MSRA: variants seen among roughly 807,000 people sequenced by gnomAD.
The protein encoded by MSRA is methionine sulfoxide reductase A, also known as mitochondrial peptide methionine sulfoxide reductase.
Under a neutral mutation model 31.3 loss-of-function variants are expected in MSRA, and 54 were observed. The observed-to-expected ratio is 1.73, with a 90% CI of 1.39 to 2.17. MSRA has a LOEUF of 2.17. Ranked by LOEUF, MSRA falls within the 30% of genes most tolerant of loss-of-function variation. MSRA has a pLI of 0.00. For missense variants in MSRA, 507 were observed against 300.9 expected, an observed-to-expected ratio of 1.69 and a Z score of -5.07; for synonymous variants, 169 against 116.5, an observed-to-expected ratio of 1.45 and a Z score of -2.90.
chr8:10,394,055 G>A (rs1291216940), intron 5 of MSRA, among the ~76,000 whole-genome samples: 1 of 152,174 alleles, frequency 6.6e-6, no homozygotes, highest in Non-Finnish European at 1.5e-5. Flanking sequence ...TTAACTTTGG[G>A]TCTCTAGAGA....
intron 1 of MSRA, among the ~76,000 whole-genome samples, chr8:10,093,609 G>T (rs903365313): frequency 3.9e-5 from 6 of 152,012 alleles, no homozygotes; most frequent in African/African-American, 1.4e-4. Flanking sequence ...AAATATTTTA[G>T]AAATGCTTAA....
At chr8:10,217,028 C>G (rs28439500) in intron 2 of MSRA, among the ~76,000 whole-genome samples, 1 of 152,198 alleles carries the variant, frequency 6.6e-6, no homozygotes, top group Non-Finnish European at 1.5e-5. Context: ...CAGCGAACCA[C>G]AAGGGTTCCA....
chr8:10,064,596 A>G (rs1437095251), intron 1 of MSRA, among the ~76,000 whole-genome samples: 2 of 152,242 alleles, frequency 1.3e-5, no homozygotes, highest in African/African-American at 2.4e-5. Flanking sequence ...ATTTAGGAAC[A>G]TCGGATGTCT....
intron 1 of MSRA, among the ~76,000 whole-genome samples, chr8:10,106,679 G>A (rs943881594): frequency 1.3e-5 from 2 of 152,150 alleles, no homozygotes; most frequent in African/African-American, 4.8e-5. Flanking sequence ...CAGATTTGTT[G>A]TGCTTCTTGT....
chr8:10,108,923 A>T (rs1800087474), intron 1 of MSRA, among the ~76,000 whole-genome samples: 2 of 152,166 alleles, frequency 1.3e-5, no homozygotes, highest in African/African-American at 4.8e-5. Flanking sequence ...CCAAGCTCTT[A>T]GCAGATGAAA....
chr8:10,290,631 G>C (rs1356225193), intron 3 of MSRA, among the ~76,000 whole-genome samples: 1 of 152,116 alleles, frequency 6.6e-6, no homozygotes, highest in African/African-American at 2.4e-5. Context: ...GGAGGCGTGA[G>C]AGTATGTTTC....
At position 10,356,826 on chromosome 8, in the gene MSRA, G is replaced by A. The variant is rs956629944; in HGVS notation, c.543+36837G>A. 1.3e-4 allele frequency among the ~76,000 whole-genome samples: 19 copies of A among 149,618 alleles called. No individual in the cohort carries two copies. The East Asian group carries it at 2.4e-3, about 19-fold the overall frequency. Reference sequence around the variant, plus strand: ...CACCCAGTCCATGGTATGTTGTTACGGCAGCCCGAACAGATCAACACAGCG... The same window carrying A: ...CACCCAGTCCATGGTATGTTGTTACAGCAGCCCGAACAGATCAACACAGCG... On this transcript the variant is annotated intron_variant, in intron 5 of 5. Transcript: ENST00000317173.
chr8:10,277,652 C>G (rs576203049), intron 3 of MSRA, among the ~76,000 whole-genome samples: 156 of 152,272 alleles, frequency 1.0e-3, no homozygotes, highest in African/African-American at 3.6e-3. Flanking sequence ...CAAAGAGCCT[C>G]AAATAACCCA....
chr8:10,145,614 G>C (rs897772116), intron 1 of MSRA, among the ~76,000 whole-genome samples: 2 of 152,214 alleles, frequency 1.3e-5, no homozygotes, highest in Admixed American at 1.3e-4. Flanking sequence ...TTCTGATGAT[G>C]TGACCCTGTG....
At chr8:10,195,610 A>C (rs1236041661) in intron 1 of MSRA, among the ~76,000 whole-genome samples, 1 of 152,212 alleles carries the variant, frequency 6.6e-6, no homozygotes, top group African/African-American at 2.4e-5. Context: ...CCTCAGCAAG[A>C]GACAATAATT....
intron 1 of MSRA, among the ~76,000 whole-genome samples, chr8:10,135,488 C>G (rs1802208148): frequency 6.6e-6 from 1 of 152,106 alleles, no homozygotes; most frequent in African/African-American, 2.4e-5. Context: ...ATATTAATGA[C>G]TTCAATTCAT....
intron 5 of MSRA, among the ~76,000 whole-genome samples, chr8:10,334,808 G>T (rs1033829693): frequency 2.0e-5 from 3 of 152,222 alleles, no homozygotes; most frequent in African/African-American, 7.2e-5. Flanking sequence ...ACTTCAAAAT[G>T]TGCCTTACTC....
chr8:10,282,404 C>T (rs892753376), intron 3 of MSRA, among the ~76,000 whole-genome samples: 1 of 152,200 alleles, frequency 6.6e-6, no homozygotes, highest in Non-Finnish European at 1.5e-5. Context: ...TAATGGATAT[C>T]TGCCAAGATG....
At chr8:10,274,378 G>T (rs971089366) in intron 3 of MSRA, among the ~76,000 whole-genome samples, 1 of 152,182 alleles carries the variant, frequency 6.6e-6, no homozygotes, top group Non-Finnish European at 1.5e-5. Context: ...TTATGGGAAA[G>T]CAGATGTTGG....
intron 1 of MSRA, among the ~76,000 whole-genome samples, chr8:10,156,275 T>C (rs1195877477): frequency 9.2e-5 from 14 of 152,194 alleles, no homozygotes; most frequent in Non-Finnish European, 1.5e-5. Context: ...GTGTGGACTG[T>C]ATGTTGGATG....
At chr8:10,231,076 G>A (rs536188439) in intron 2 of MSRA, among the ~76,000 whole-genome samples, 61 of 152,262 alleles carry the variant, frequency 4.0e-4, no homozygotes, top group African/African-American at 1.3e-3. Context: ...ATCAGCCACC[G>A]CACCCAGCCT....
chr8:10,065,605 C>G (rs1390191268), intron 1 of MSRA, among the ~76,000 whole-genome samples: 3 of 152,138 alleles, frequency 2.0e-5, no homozygotes, highest in Non-Finnish European at 4.4e-5. Context: ...AAGGATTTCT[C>G]TTAACGTAAC....
At chr8:10,170,222 C>T (rs1244806755) in intron 1 of MSRA, among the ~76,000 whole-genome samples, 2 of 151,892 alleles carry the variant, frequency 1.3e-5, no homozygotes, top group African/African-American at 4.8e-5. Context: ...TGCTTGTCTC[C>T]CTCCAAATTC....
chr8:10,119,816 C>T (rs1030966145), intron 1 of MSRA, among the ~76,000 whole-genome samples: 14 of 152,046 alleles, frequency 9.2e-5, no homozygotes, highest in African/African-American at 3.4e-4. Flanking sequence ...GGTCAGGGTC[C>T]TGGCAGAAAT....
Sources: allele counts gnomAD v4.1 joint callset (sites outside exome capture counted in the v4.1 genomes callset), GRCh38; gene constraint gnomAD v4.1.1; transcripts MANE v1.5; gene names NCBI Gene and HGNC (gene_info 2026-07-23, HGNC 2026-07-21).